Variants in CALN1 observed in about 807,000 individuals in gnomAD.
The protein encoded by CALN1 is calcium-binding protein 8.
Under a neutral mutation model 30.6 loss-of-function variants are expected in CALN1, and 17 were observed. The observed-to-expected ratio is 0.56, with a 90% confidence interval of 0.38 to 0.83. CALN1 has a LOEUF of 0.83. Among genes scored for constraint, CALN1 ranks in the 40% least tolerant of loss-of-function variants. CALN1 has a pLI of 0.00. For missense variants in CALN1, 291 were observed against 354.9 expected, an observed-to-expected ratio of 0.82 and a Z score of 1.45; for synonymous variants, 156 against 131.4, an observed-to-expected ratio of 1.19 and a Z score of -1.28.
chr7:71,968,675 C>G (rs1440357620), intron 5 of CALN1, among the ~76,000 whole-genome samples: 1 of 150,600 alleles, frequency 6.6e-6, no homozygotes, highest in Non-Finnish European at 1.5e-5. Context: ...AGCCACCGTG[C>G]CGGGACCCGG....
chr7:71,904,331 T>A (rs1794016052), intron 5 of CALN1, among the ~76,000 whole-genome samples: 1 of 152,176 alleles, frequency 6.6e-6, no homozygotes, highest in African/African-American at 2.4e-5. Context: ...AAAGAAAATG[T>A]AGTATATATT....
chr7:72,397,712 T>TCACA (rs1248212217), intron 2 of CALN1, among the ~76,000 whole-genome samples: 982 of 70,282 alleles, frequency 0.014, 11 homozygotes, highest in Middle Eastern at 0.046. Context: ...ACCCATTCTC[T>TCACA]CTCACACACA....
intron 3 of CALN1, among the ~76,000 whole-genome samples, chr7:72,271,700 G>C (rs961114379): frequency 6.6e-6 from 1 of 150,708 alleles, no homozygotes; most frequent in East Asian, 1.9e-4. Flanking sequence ...TACCAAGGCA[G>C]TGATGGACTG....
intron 2 of CALN1, among the ~76,000 whole-genome samples, chr7:72,342,402 T>G (rs1400769225): frequency 6.6e-6 from 1 of 152,226 alleles, no homozygotes; most frequent in Non-Finnish European, 1.5e-5. Flanking sequence ...CTGGCACTTT[T>G]GCTCCAACTT....
chr7:72,137,522 C>A (rs1415535671), intron 3 of CALN1, among the ~76,000 whole-genome samples: 2 of 152,116 alleles, frequency 1.3e-5, no homozygotes, highest in South Asian at 4.1e-4. Context: ...AGGGTTGCCA[C>A]AAACCTTTAA....
At chr7:72,017,991 G>C (rs1433233958) in intron 5 of CALN1, among the ~76,000 whole-genome samples, 1 of 152,132 alleles carries the variant, frequency 6.6e-6, no homozygotes, top group African/African-American at 2.4e-5. Flanking sequence ...AGGACTGGCA[G>C]ACCTGTTTAA....
In CALN1 at chr7:71,787,746, T is replaced by A. The variant is rs1284188644; in HGVS notation, c.*29A>T. 1 of 1,612,374 alleles carries A rather than the reference T, an allele frequency of 6.2e-7. No individual in the cohort carries two copies. The highest frequency in any genetic ancestry group is 1.3e-5 in the African/African-American group (1 of 74,896). ...CACGGCATGCACATGCGCGGTGAGC[T>A]GCAACACAGTGTGGCTGGCGGGAGG... is the stretch of plus-strand genomic sequence containing the variant. On this transcript the variant is annotated 3_prime_UTR_variant, in exon 7 of 7. Transcript: ENST00000395275.
intron 3 of CALN1, among the ~76,000 whole-genome samples, chr7:72,214,669 G>A (rs546303791): frequency 6.6e-6 from 1 of 151,908 alleles, no homozygotes; most frequent in African/African-American, 2.4e-5. Flanking sequence ...CCAACCACCA[G>A]GCAGTGACCT....
upstream of CALN1, among the ~76,000 whole-genome samples, chr7:72,448,608 G>A (rs540839554): frequency 6.9e-4 from 104 of 151,696 alleles, 1 homozygote; most frequent in South Asian, 9.2e-3. Flanking sequence ...GGCACCTTGC[G>A]TGATCTTTTT....
At chr7:72,386,621 C>T (rs1320581576) in intron 2 of CALN1, among the ~76,000 whole-genome samples, 2 of 152,092 alleles carry the variant, frequency 1.3e-5, no homozygotes, top group Non-Finnish European at 2.9e-5. Flanking sequence ...TTGGAGACAT[C>T]AGTGTAAACC....
intron 1 of CALN1, among the ~76,000 whole-genome samples, chr7:72,445,621 C>T (rs1358596484): frequency 6.6e-6 from 1 of 152,146 alleles, no homozygotes; most frequent in Non-Finnish European, 1.5e-5. Flanking sequence ...TTCCATCAAG[C>T]GCTTCACTCA....
chr7:72,210,425 G>A (rs185228933), intron 3 of CALN1, among the ~76,000 whole-genome samples: 109 of 152,276 alleles, frequency 7.2e-4, no homozygotes, highest in Middle Eastern at 3.4e-3. Context: ...CCAGCACTTT[G>A]GGAGGCTGCA....
intron 3 of CALN1, among the ~76,000 whole-genome samples, chr7:72,122,139 T>C (rs191516609): frequency 6.6e-6 from 1 of 152,120 alleles, no homozygotes; most frequent in African/African-American, 2.4e-5. Flanking sequence ...CAATATTGGA[T>C]GTGCCTCCAA....
At chr7:72,177,451 A>G (rs890084575) in intron 3 of CALN1, among the ~76,000 whole-genome samples, 24 of 152,080 alleles carry the variant, frequency 1.6e-4, no homozygotes, top group African/African-American at 5.8e-4. Flanking sequence ...CTTATTTTCT[A>G]CACCAAGCTT....
Position 71,944,609 on chromosome 7 carries a change from A to AG in CALN1, c.501+79047_501+79048insC, listed in dbSNP as rs1172158167. 4.6e-5 allele frequency among the ~76,000 whole-genome samples: 7 copies of AG among 151,484 alleles called. No individual in the cohort carries two copies. In the East Asian group the frequency reaches 1.4e-3, roughly 29 times the overall value. On this transcript the variant is annotated intron_variant, in intron 5 of 6. Transcript: ENST00000395275. ...AACTCCATCCCAAAAAAAAAAAAAA[A>AG]AAAAAAAAGAAAGAAAACATTTCTG... is the stretch of plus-strand genomic sequence containing the variant.
At chr7:72,407,919 T>C (rs559831189) in intron 1 of CALN1, among the ~76,000 whole-genome samples, 96 of 152,146 alleles carry the variant, frequency 6.3e-4, no homozygotes, top group African/African-American at 1.8e-3. Flanking sequence ...CCGGGGAAGA[T>C]TGTCCCTACT....
At chr7:71,890,793 T>C (rs1562875976) in intron 5 of CALN1, among the ~76,000 whole-genome samples, 1 of 140,308 alleles carries the variant, frequency 7.1e-6, no homozygotes, top group Non-Finnish European at 1.5e-5. Context: ...TTGCCCAGAC[T>C]GGAGTGCAGT....
intron 4 of CALN1, among the ~76,000 whole-genome samples, chr7:72,027,600 A>G (rs1245638545): frequency 6.6e-6 from 1 of 152,000 alleles, no homozygotes; most frequent in Non-Finnish European, 1.5e-5. Context: ...AGTCCCAGCT[A>G]CGTGGGACGC....
chr7:71,900,007 C>T (rs748876771), intron 5 of CALN1, among the ~76,000 whole-genome samples: 7 of 152,090 alleles, frequency 4.6e-5, no homozygotes, highest in African/African-American at 7.2e-5. Context: ...ATAAAACCCA[C>T]GGAGTAAATA....
Sources: allele counts gnomAD v4.1 joint callset (sites outside exome capture counted in the v4.1 genomes callset), GRCh38; gene constraint gnomAD v4.1.1; transcripts MANE v1.5; gene names NCBI Gene and HGNC (gene_info 2026-07-23, HGNC 2026-07-21).